Variants in RP1 observed in about 807,000 individuals in gnomAD.
RP1 encodes the protein oxygen-regulated protein 1.
Under a neutral mutation model 14.8 loss-of-function variants are expected in RP1, and 16 were observed. That is an observed-to-expected ratio of 1.08 (90% CI 0.73 to 1.65). The LOEUF is 1.65. Ranked by LOEUF, RP1 falls within the 40% of genes most tolerant of loss-of-function variation. The pLI, the probability that RP1 is intolerant of heterozygous loss-of-function variation, is 0.00. For missense variants in RP1, 2,631 were observed against 2,535.0 expected (o/e 1.04, Z -0.81); for synonymous variants, 876 against 883.6 (o/e 0.99, Z 0.15).
At chr8:54,576,033 CTG>C (rs1359760004) in intron 1 of RP1, among the ~76,000 whole-genome samples, 1 of 144,470 alleles carries the variant, frequency 6.9e-6, no homozygotes, top group Non-Finnish European at 1.5e-5. Context: ...AAGAATAAAC[CTG>C]TCAGACTCTT....
At chr8:54,731,932 C>T (rs369902270) in intron 17 of RP1, among the ~76,000 whole-genome samples, 65 of 152,332 alleles carry the variant, frequency 4.3e-4, no homozygotes, top group African/African-American at 1.5e-3. Context: ...CACCCTGTTT[C>T]AGACCGATCT....
chr8:54,699,554 G>C, exon 13 of RP1: 1 of 1,378,970 alleles, frequency 7.3e-7, no homozygotes, highest in Non-Finnish European at 9.5e-7. Context: ...CTTGACAATG[G>C]CATTGTCACT....
intron 1 of RP1, among the ~76,000 whole-genome samples, chr8:54,588,289 A>ATTT (rs1804976598): frequency 3.9e-5 from 6 of 152,210 alleles, no homozygotes; most frequent in African/African-American, 1.2e-4. Context: ...TTGCAATAAA[A>ATTT]TATATGGAAG....
chr8:54,840,110 G>C (rs997676191), intron 25 of RP1, among the ~76,000 whole-genome samples: 1 of 152,010 alleles, frequency 6.6e-6, no homozygotes, highest in African/African-American at 2.4e-5. Flanking sequence ...TCACCTCATT[G>C]CTAACATGTC....
chr8:54,812,544 T>C (rs1811024032), intron 24 of RP1, among the ~76,000 whole-genome samples: 1 of 152,238 alleles, frequency 6.6e-6, no homozygotes. Flanking sequence ...TCCTCATGCA[T>C]GGCTTCTCAA....
intron 26 of RP1, among the ~76,000 whole-genome samples, chr8:54,855,743 A>G (rs1367346622): frequency 6.6e-6 from 1 of 152,156 alleles, no homozygotes; most frequent in Non-Finnish European, 1.5e-5. Context: ...TAAAAAGCCT[A>G]CCCAGCCTTA....
At chr8:54,604,647 G>A (rs60670804) in intron 1 of RP1, among the ~76,000 whole-genome samples, 2 of 152,068 alleles carry the variant, frequency 1.3e-5, no homozygotes, top group East Asian at 1.9e-4. Context: ...GGTAGAATTC[G>A]GCAGTCAATC....
intron 13 of RP1, chr8:54,701,433 A>T: frequency 6.9e-7 from 1 of 1,449,544 alleles, no homozygotes. Flanking sequence ...TGATTACATT[A>T]AATTTTTTTT....
chr8:54,624,468 G>GA (rs1303974129), intron 3 of RP1, among the ~76,000 whole-genome samples: 14 of 112,830 alleles, frequency 1.2e-4, no homozygotes, highest in African/African-American at 2.9e-4. Context: ...AAAAAAAAAA[G>GA]AAAAAAAACA....
At chr8:54,621,913 G>T (rs1196913942) in intron 2 of RP1, among the ~76,000 whole-genome samples, 1 of 152,128 alleles carries the variant, frequency 6.6e-6, no homozygotes, top group Non-Finnish European at 1.5e-5. Flanking sequence ...TGGGATCCCT[G>T]CTGGGACGTA....
chr8:54,852,793 C>T (rs2129408556), intron 26 of RP1: 1 of 1,158,148 alleles, frequency 8.6e-7, no homozygotes, highest in East Asian at 3.2e-5. Flanking sequence ...TTAACAAAAA[C>T]ACACACAAAC....
chr8:54,596,531 T>C (rs1563321288), intron 1 of RP1, among the ~76,000 whole-genome samples: 2 of 152,184 alleles, frequency 1.3e-5, no homozygotes, highest in Non-Finnish European at 2.9e-5. Context: ...CACCTAGATG[T>C]CTATGACCTC....
chr8:54,742,286 A>G (rs1809117351), intron 19 of RP1, among the ~76,000 whole-genome samples: 2 of 152,198 alleles, frequency 1.3e-5, no homozygotes, highest in Non-Finnish European at 2.9e-5. Context: ...AAAATGCTTC[A>G]GGTTTAAAAT....
chr8:54,754,720 A>G (rs1297050012), intron 19 of RP1: 2 of 1,358,842 alleles, frequency 1.5e-6, no homozygotes, highest in African/African-American at 2.9e-5. Flanking sequence ...ACACTTTTGA[A>G]ATCCCTGGGA....
chr8:54,734,644 C>T (rs1443963662), exon 18 of RP1: 3 of 1,535,810 alleles, frequency 2.0e-6, no homozygotes, highest in Non-Finnish European at 2.6e-6. Context: ...GCCAATGTCA[C>T]TCTCTGGGTG....
intron 24 of RP1, among the ~76,000 whole-genome samples, chr8:54,796,684 G>A (rs1459399495): frequency 6.6e-6 from 1 of 152,138 alleles, no homozygotes; most frequent in Non-Finnish European, 1.5e-5. Context: ...AGGCAAGGAA[G>A]GATTCCACCC....
intron 1 of RP1, among the ~76,000 whole-genome samples, chr8:54,606,888 G>C (rs1463224633): frequency 1.3e-5 from 2 of 152,168 alleles, no homozygotes; most frequent in Non-Finnish European, 1.5e-5. Context: ...ATGGTTTTCA[G>C]CTCCATCAGG....
rs770077016 is a variant in RP1, at chr8:54,626,446, T to C, written c.2564T>C (p.Leu855Ser). 6.2e-7 allele frequency: 1 copy of C among 1,613,776 alleles called. No individual in the cohort carries two copies. Among genetic ancestry groups the C allele is most frequent in the Non-Finnish European group, 8.5e-7 (1 of 1,179,896 alleles). The change falls in exon 4 of 4, where the codon TTA (leucine) becomes TCA (serine). Residue 855 changes from leucine to serine, a missense_variant. Transcript: ENST00000220676. ...GYLRGMAKKS[L>S]VSKVTDSHIT... ...TTGAGAGGAATGGCAAAGAAGAGTT[T>C]AGTTTCAAAAGTTACTGATTCACAC...
chr8:54,649,092 T>C, exon 4 of RP1: 1 of 1,530,504 alleles, frequency 6.5e-7, no homozygotes, highest in Non-Finnish European at 8.7e-7. Context: ...AGCCCCCATA[T>C]ATCTTTATGG....
Sources: allele counts gnomAD v4.1 joint callset (sites outside exome capture counted in the v4.1 genomes callset), GRCh38; gene constraint gnomAD v4.1.1; transcripts MANE v1.5; gene names NCBI Gene and HGNC (gene_info 2026-07-23, HGNC 2026-07-21).